NPAS3: variants seen among roughly 807,000 people sequenced by gnomAD.
NPAS3 encodes neuronal PAS domain protein 3.
NPAS3 carries 14 observed loss-of-function variants against 73.1 expected under a neutral mutation model. The observed-to-expected ratio is 0.19, with a 90% CI of 0.13 to 0.30. The LOEUF is 0.30. Among genes scored for constraint, NPAS3 ranks in the 10% least tolerant of loss-of-function variants. The pLI is 1.00. For missense variants in NPAS3, 1,096 were observed against 1,250.0 expected (o/e 0.88, Z 1.86); for synonymous variants, 620 against 541.5 (o/e 1.14, Z -2.01).
intron 10 of NPAS3, among the ~76,000 whole-genome samples, chr14:33,796,050 A>C (rs1192874925): frequency 1.3e-5 from 2 of 152,200 alleles, no homozygotes; most frequent in Non-Finnish European, 1.5e-5. Context: ...AACTCCACCA[A>C]GACAGCCATT....
chr14:33,744,608 C>T (rs1401750720), intron 7 of NPAS3, among the ~76,000 whole-genome samples: 2 of 151,744 alleles, frequency 1.3e-5, no homozygotes, highest in Non-Finnish European at 2.9e-5. Context: ...AGCAACATGG[C>T]GAAACCTTGT....
rs915057129 is a variant in NPAS3, at chr14:33,233,127, G to A, written c.385+17701G>A. 2.0e-5 allele frequency among the ~76,000 whole-genome samples: 3 copies of A among 152,270 alleles called. No individual in the cohort carries two copies. The South Asian group carries it at 6.2e-4, about 32-fold the overall frequency. Reference sequence around the variant, plus strand: ...AATTACTTAAATGATGACTGATCAAGTATTTGATATTTTAATTTTGAATGA... The same window carrying A: ...AATTACTTAAATGATGACTGATCAAATATTTGATATTTTAATTTTGAATGA... On this transcript the variant is annotated intron_variant, in intron 3 of 11. Coordinates refer to ENST00000356141, the Ensembl canonical transcript of NPAS3.
intron 1 of NPAS3, among the ~76,000 whole-genome samples, chr14:33,011,920 T>A (rs747619000): frequency 2.0e-5 from 3 of 152,176 alleles, no homozygotes; most frequent in African/African-American, 7.2e-5. Flanking sequence ...TGCTTTTTTT[T>A]ATACCTCACA....
intron 4 of NPAS3, among the ~76,000 whole-genome samples, chr14:33,538,139 G>A (rs757164244): frequency 2.0e-5 from 3 of 152,138 alleles, no homozygotes; most frequent in Non-Finnish European, 2.9e-5. Flanking sequence ...TGTTATGTAT[G>A]TAGGTACTGT....
At chr14:33,516,498 A>T (rs2053304289) in intron 4 of NPAS3, among the ~76,000 whole-genome samples, 1 of 152,256 alleles carries the variant, frequency 6.6e-6, no homozygotes, top group Non-Finnish European at 1.5e-5. Context: ...GGAAAATATA[A>T]CTAAGTGTAG....
At chr14:33,695,714 CA>C (rs2060357676) in intron 6 of NPAS3, among the ~76,000 whole-genome samples, 1 of 152,170 alleles carries the variant, frequency 6.6e-6, no homozygotes, top group African/African-American at 2.4e-5. Flanking sequence ...GTGAGAGCTA[CA>C]GGGTAGCTAT....
At chr14:33,279,186 G>C (rs1021175054) in intron 3 of NPAS3, among the ~76,000 whole-genome samples, 10 of 152,054 alleles carry the variant, frequency 6.6e-5, no homozygotes, top group Non-Finnish European at 1.2e-4. Flanking sequence ...ATTTCATGCT[G>C]GTGGTTCCGG....
intron 4 of NPAS3, among the ~76,000 whole-genome samples, chr14:33,559,632 T>G (rs1007696011): frequency 2.6e-5 from 4 of 152,204 alleles, no homozygotes; most frequent in African/African-American, 9.6e-5. Context: ...AAAAGAAAGC[T>G]TTCAGTCTTA....
chr14:33,211,192 G>T (rs2047021385), intron 2 of NPAS3, among the ~76,000 whole-genome samples: 1 of 152,196 alleles, frequency 6.6e-6, no homozygotes, highest in Admixed American at 6.5e-5. Context: ...TGAGGCAATA[G>T]AAGTCACCTC....
chr14:33,160,514 A>T (rs2044828530), intron 2 of NPAS3, among the ~76,000 whole-genome samples: 1 of 130,284 alleles, frequency 7.7e-6, no homozygotes, highest in African/African-American at 2.9e-5. Context: ...GGGGGGAGGG[A>T]TAGCATTAGG....
chr14:33,791,461 G>A (rs2063356983), intron 9 of NPAS3, among the ~76,000 whole-genome samples: 1 of 152,194 alleles, frequency 6.6e-6, no homozygotes, highest in Non-Finnish European at 1.5e-5. Context: ...AGGAAACACA[G>A]ATCCATTTAG....
chr14:33,516,948 A>G (rs1187614563), intron 4 of NPAS3, among the ~76,000 whole-genome samples: 7 of 152,074 alleles, frequency 4.6e-5, no homozygotes, highest in African/African-American at 7.2e-5. Context: ...TGCATTCTGT[A>G]TCTAGATCTT....
In NPAS3 at chr14:33,019,748, A is replaced by G. The variant is rs982561355; in HGVS notation, c.51-36157A>G. Among the ~76,000 whole-genome samples, 31 of 152,152 alleles carry G rather than the reference A, an allele frequency of 2.0e-4. 1 individual carries two copies. In the East Asian group the frequency reaches 5.8e-3, roughly 28 times the overall value. On this transcript the variant is annotated intron_variant, in intron 1 of 11. Coordinates refer to ENST00000356141, the Ensembl canonical transcript of NPAS3. ...GAGTGCAACAACTGTAATAAACTAC[A>G]CTCCTTTTGTAAGCAGTGGTCTAAG...
At chr14:33,010,938 C>CAAAAAA (rs77196350) in intron 1 of NPAS3, among the ~76,000 whole-genome samples, 2 of 120,310 alleles carry the variant, frequency 1.7e-5, no homozygotes, top group South Asian at 2.8e-4. Context: ...GAACCTGTCT[C>CAAAAAA]AAAAAAAAAA....
intron 5 of NPAS3, among the ~76,000 whole-genome samples, chr14:33,572,715 T>A (rs1174004902): frequency 1.3e-5 from 2 of 152,190 alleles, no homozygotes; most frequent in Non-Finnish European, 2.9e-5. Context: ...TTAAGCATCC[T>A]GCTCAGAGCC....
intron 3 of NPAS3, among the ~76,000 whole-genome samples, chr14:33,249,203 T>C (rs2048491433): frequency 6.6e-6 from 1 of 152,190 alleles, no homozygotes; most frequent in African/African-American, 2.4e-5. Context: ...TTTAAGATTA[T>C]GTAAACACTA....
At chr14:33,108,863 T>C (rs1367464338) in intron 2 of NPAS3, among the ~76,000 whole-genome samples, 1 of 152,164 alleles carries the variant, frequency 6.6e-6, no homozygotes, top group Non-Finnish European at 1.5e-5. Flanking sequence ...TTTCAGAGCA[T>C]TGAAATGGTT....
intron 2 of NPAS3, among the ~76,000 whole-genome samples, chr14:33,177,109 T>TATTATTATC (rs1354243278): frequency 0.013 from 1,911 of 145,118 alleles, 57 homozygotes; most frequent in African/African-American, 0.047. Flanking sequence ...TTATTATTAT[T>TATTATTATC]ATCTTTGAGA....
chr14:33,615,604 A>C (rs1286328699), intron 5 of NPAS3, among the ~76,000 whole-genome samples: 1 of 152,200 alleles, frequency 6.6e-6, no homozygotes, highest in Non-Finnish European at 1.5e-5. Flanking sequence ...TTTCCACTGT[A>C]GTCCTGACTT....
Sources: allele counts gnomAD v4.1 joint callset (sites outside exome capture counted in the v4.1 genomes callset), GRCh38; gene constraint gnomAD v4.1.1; transcripts MANE v1.5; gene names NCBI Gene and HGNC (gene_info 2026-07-23, HGNC 2026-07-21).